Variants in TRMT11 observed in about 807,000 individuals in gnomAD.
The protein encoded by TRMT11 is tRNA methyltransferase 11.
TRMT11 carries 53 observed loss-of-function variants against 62.8 expected under a neutral mutation model. That is an observed-to-expected ratio of 0.84 (90% CI 0.68 to 1.06). TRMT11 has a LOEUF of 1.06. Ranked by LOEUF, TRMT11 falls within the 50% of genes least tolerant of loss-of-function variation. TRMT11 has a pLI of 0.00. For missense variants in TRMT11, 556 were observed against 553.4 expected (o/e 1.00, Z -0.05); for synonymous variants, 188 against 190.3 (o/e 0.99, Z 0.10).
chr6:126,011,337 A>G lies in TRMT11; in HGVS notation c.845A>G (p.Tyr282Cys). Residue 282 changes from tyrosine to cysteine, a missense_variant, in exon 9 of 13, where the codon TAT becomes TGT. Coordinates refer to ENST00000334379, the MANE Select transcript of TRMT11 (RefSeq NM_001031712.3). ...CTTCGTCAATATGGTTTAGAGAAGTATTACCTTGATGTCCTGGTTTCAGAT... is the reference window on the plus strand; with the variant it reads ...CTTCGTCAATATGGTTTAGAGAAGTGTTACCTTGATGTCCTGGTTTCAGAT... The part of the protein sequence containing the change: ...ANLRQYGLEK[Y>C]YLDVLVSDAS... 2.5e-6 allele frequency: 4 copies of G among 1,613,446 alleles called. No homozygotes were observed. The highest frequency in any genetic ancestry group is 1.3e-5 in the African/African-American group (1 of 75,028).
chr6:126,056,786 G>A (rs1776386399), intron 17 of TRMT11, among the ~76,000 whole-genome samples: 1 of 152,206 alleles, frequency 6.6e-6, no homozygotes, highest in African/African-American at 2.4e-5. Flanking sequence ...GGTTAAATGT[G>A]CATGTGTGAA....
At chr6:126,093,619 A>ATTTTTT (rs1490736851) in intron 17 of TRMT11, among the ~76,000 whole-genome samples, 1 of 88,526 alleles carries the variant, frequency 1.1e-5, no homozygotes, top group African/African-American at 1.0e-4. Context: ...ATATATATAT[A>ATTTTTT]TATATATATA....
At chr6:126,208,546 T>A (rs1778809738), downstream of TRMT11, among the ~76,000 whole-genome samples, 1 of 152,202 alleles carries the variant, frequency 6.6e-6, no homozygotes, top group South Asian at 2.1e-4. Context: ...GATGGCTCTA[T>A]TATTTTTAGT....
intron 21 of TRMT11, among the ~76,000 whole-genome samples, chr6:126,151,825 T>TAGTTTC (rs71024743): frequency 0.022 from 1,981 of 88,410 alleles, 66 homozygotes; most frequent in African/African-American, 0.072. Flanking sequence ...TTTCTTTCTT[T>TAGTTTC]CTTTCTTTCT....
chr6:126,039,051 A>G lies in TRMT11; in HGVS notation c.*215A>G. ...CAGTCTTTATAATCTTATTTAATGT[A>G]TATTTGTACTTTCAAGTACTGATGG... On this transcript the variant is annotated 3_prime_UTR_variant, in exon 13 of 13. Transcript: ENST00000334379. The G allele has an allele frequency of 2.6e-6, 1 of 378,398 alleles. No individual in the cohort carries two copies. 23.4% of individuals were successfully genotyped at this position (378,398 alleles called of 1,614,324 possible). A position where few individuals can be genotyped will look rare whatever the true frequency, so the allele number is the denominator to read the frequency against.
intron 7 of TRMT11, among the ~76,000 whole-genome samples, chr6:126,003,834 A>G (rs1264292307): frequency 2.0e-5 from 3 of 151,754 alleles, no homozygotes; most frequent in African/African-American, 4.8e-5. Context: ...TTAGCTTGTC[A>G]TTTATCTTTT....
At chr6:126,200,577 G>C (rs912168981) in intron 3 of TRMT11, among the ~76,000 whole-genome samples, 1 of 151,980 alleles carries the variant, frequency 6.6e-6, no homozygotes, top group East Asian at 1.9e-4. Context: ...TTTTTGAGAC[G>C]GAGTCTTGCT....
the TRMT11 span, among the ~76,000 whole-genome samples, chr6:126,253,827 T>C: frequency 2.0e-5 from 3 of 152,264 alleles, no homozygotes; most frequent in South Asian, 4.1e-4. Context: ...AACCCTTGAG[T>C]CTCCACTTGG....
intron 21 of TRMT11, among the ~76,000 whole-genome samples, chr6:126,146,193 TAAGG>T (rs1201023230): frequency 1.3e-5 from 2 of 152,192 alleles, no homozygotes; most frequent in Admixed American, 1.3e-4. Context: ...TTTTCCAAAA[TAAGG>T]AAGCAGTAGA....
At chr6:126,099,766 CAAAA>C (rs1777377712) in intron 17 of TRMT11, among the ~76,000 whole-genome samples, 1 of 151,862 alleles carries the variant, frequency 6.6e-6, no homozygotes, top group Non-Finnish European at 1.5e-5. Flanking sequence ...AACAAACAAA[CAAAA>C]AAGAAGTAGA....
At chr6:126,126,958 G>C (rs1021494555) in intron 21 of TRMT11, among the ~76,000 whole-genome samples, 1 of 152,056 alleles carries the variant, frequency 6.6e-6, no homozygotes, top group Non-Finnish European at 1.5e-5. Flanking sequence ...ATAAATCTTT[G>C]TTCCTCTGAT....
chr6:126,172,041 G>T (rs1057483825), intron 21 of TRMT11, among the ~76,000 whole-genome samples: 4 of 152,026 alleles, frequency 2.6e-5, no homozygotes, highest in African/African-American at 9.7e-5. Flanking sequence ...TTTAAAAAAA[G>T]GTTAAATGTT....
intron 17 of TRMT11, among the ~76,000 whole-genome samples, chr6:126,111,066 T>A (rs1390129274): frequency 6.6e-6 from 1 of 152,124 alleles, no homozygotes; most frequent in Non-Finnish European, 1.5e-5. Context: ...AGAGATGGTT[T>A]GCAGCCATTT....
the TRMT11 span, among the ~76,000 whole-genome samples, chr6:126,249,836 A>G: frequency 6.6e-6 from 1 of 152,140 alleles, no homozygotes; most frequent in African/African-American, 2.4e-5. Flanking sequence ...AGAAACAGAA[A>G]TGTTTGTAAC....
chr6:126,126,023 G>A (rs1452229196), intron 21 of TRMT11, among the ~76,000 whole-genome samples: 2 of 152,044 alleles, frequency 1.3e-5, no homozygotes, highest in African/African-American at 2.4e-5. Context: ...GTATGGGCTG[G>A]CCTCCTTAGA....
At chr6:126,202,530 C>A (rs1237537993), downstream of TRMT11, among the ~76,000 whole-genome samples, 2 of 152,100 alleles carry the variant, frequency 1.3e-5, no homozygotes, top group Admixed American at 6.5e-5. Context: ...TCCATAGAAA[C>A]CAAACCAAAA....
chr6:126,091,621 G>T (rs1393576844), intron 17 of TRMT11, among the ~76,000 whole-genome samples: 1 of 152,042 alleles, frequency 6.6e-6, no homozygotes, highest in Non-Finnish European at 1.5e-5. Context: ...ACAGTCTTGG[G>T]TGCACTCGGT....
the TRMT11 span, among the ~76,000 whole-genome samples, chr6:126,245,698 A>G: frequency 6.6e-6 from 1 of 152,238 alleles, no homozygotes; most frequent in East Asian, 1.9e-4. Context: ...GTGCTGTATT[A>G]TAACTGGAAA....
intron 12 of TRMT11, 42 bp downstream of exon 12, chr6:126,021,322 C>A: frequency 1.2e-6 from 2 of 1,601,166 alleles, no homozygotes; most frequent in South Asian, 2.2e-5. Context: ...CTGAAAGAAT[C>A]AAAAGTAGTT....
Sources: allele counts gnomAD v4.1 joint callset (sites outside exome capture counted in the v4.1 genomes callset), GRCh38; gene constraint gnomAD v4.1.1; transcripts MANE v1.5; gene names NCBI Gene and HGNC (gene_info 2026-07-23, HGNC 2026-07-21).